PNPLA8: variants seen among roughly 807,000 people sequenced by gnomAD.
The protein encoded by PNPLA8 is patatin like domain 8, phospholipase A2.
In PNPLA8, 39 loss-of-function variants were observed where a neutral mutation model predicts 76.9. The observed-to-expected ratio is 0.51, with a 90% CI of 0.39 to 0.66. PNPLA8 has a LOEUF of 0.66. PNPLA8 is among the 30% of genes least tolerant of loss of function. The probability of loss-of-function intolerance (pLI) is 0.00; values close to 1 mark genes in which losing one functional copy is unlikely to be tolerated. For synonymous variants in PNPLA8, 301 were observed against 307.9 expected (o/e 0.98, Z 0.24); for missense variants, 887 against 918.0 (o/e 0.97, Z 0.44).
intron 3 of PNPLA8, 38 bp downstream of exon 3, chr7:108,514,398 A>G (rs1863147725): frequency 1.3e-6 from 2 of 1,565,210 alleles, no homozygotes; most frequent in African/African-American, 1.4e-5. Context: ...AAATTTGACA[A>G]AAAGTAATAG....
chr7:108,507,119 G>A (rs1432900713), intron 4 of PNPLA8, among the ~76,000 whole-genome samples: 10 of 152,100 alleles, frequency 6.6e-5, no homozygotes, highest in South Asian at 4.1e-4. Context: ...GAGGCAGGTG[G>A]ATTACCTGAG....
At chr7:108,517,767 T>C (rs1198486842) in intron 2 of PNPLA8, among the ~76,000 whole-genome samples, 1 of 152,116 alleles carries the variant, frequency 6.6e-6, no homozygotes, top group African/African-American at 2.4e-5. Flanking sequence ...ATATGGGGTG[T>C]CTGTGTGTGT....
At chr7:108,488,990 T>C (rs1335674157) in intron 8 of PNPLA8, among the ~76,000 whole-genome samples, 1 of 152,270 alleles carries the variant, frequency 6.6e-6, no homozygotes, top group Non-Finnish European at 1.5e-5. Flanking sequence ...TAGGCCACTA[T>C]GGATAGGCGT....
rs750608746 is a variant in PNPLA8, at chr7:108,487,925, C to T, written c.1712G>A (p.Arg571Lys). The T allele has an allele frequency of 3.1e-6, 5 of 1,611,884 alleles. No individual in the cohort carries two copies. Among genetic ancestry groups the T allele is most frequent in the Admixed American group, 3.3e-5 (2 of 59,878 alleles). Reference protein sequence around the residue: ...KVAAVSTIVNRGITPKAFVFR... With the variant: ...KVAAVSTIVNKGITPKAFVFR... Reference sequence around the variant, plus strand: ...CACAAAAGCTTTGGGTGTTATCCCTCTATTTACTATGGTACTTACAGCAGC... The same window carrying T: ...CACAAAAGCTTTGGGTGTTATCCCTTTATTTACTATGGTACTTACAGCAGC... The change falls in exon 9 of 11, where the codon AGA becomes AAA. Residue 571 changes from arginine to lysine, a missense_variant. Arg to Lys is a conservative substitution (Grantham distance 26). Coordinates refer to ENST00000257694, the MANE Select transcript of PNPLA8 (RefSeq NM_001256007.3).
chr7:108,495,399 A>G (rs1861478322), intron 7 of PNPLA8, among the ~76,000 whole-genome samples: 1 of 152,184 alleles, frequency 6.6e-6, no homozygotes, highest in Non-Finnish European at 1.5e-5. Context: ...GACATAGGAA[A>G]TAATCTGTGC....
Position 108,514,605 on chromosome 7 carries a change from T to C in PNPLA8, c.887A>G (p.Glu296Gly). ...SIANFLSRPT[E>G]GVQALVGGYI... ...ACCACCTACTAAAGCTTGTACACCTTCCGTGGGACGAGAAAGAAAGTTAGC... is the reference window on the plus strand; with the variant it reads ...ACCACCTACTAAAGCTTGTACACCTCCCGTGGGACGAGAAAGAAAGTTAGC... Residue 296 changes from glutamate (E) to glycine (G), a missense_variant, in exon 3 of 11, where the codon GAA (glutamate) becomes GGA (glycine). Transcript: ENST00000257694. The C allele has an allele frequency of 6.2e-7, 1 of 1,614,072 alleles. No homozygotes were observed. Among genetic ancestry groups the C allele is most frequent in the South Asian group, 1.1e-5 (1 of 91,074 alleles).
chr7:108,500,995 G>C (rs540586295), intron 5 of PNPLA8, among the ~76,000 whole-genome samples: 3 of 152,046 alleles, frequency 2.0e-5, no homozygotes, highest in Non-Finnish European at 4.4e-5. Context: ...CCTTCTCTCA[G>C]TACTTATTCC....
Position 108,498,569 on chromosome 7 carries a change from G to A in PNPLA8, c.1359-992C>T, listed in dbSNP as rs946745291. Among the ~76,000 whole-genome samples, 7 of 151,690 alleles carry A rather than the reference G, an allele frequency of 4.6e-5. No homozygotes were observed. In the South Asian group the frequency reaches 8.4e-4, roughly 18 times the overall value. On this transcript the variant is annotated intron_variant, in intron 5 of 10. Coordinates refer to ENST00000257694, the MANE Select transcript of PNPLA8 (RefSeq NM_001256007.3). ...ATTACAGGTGTGAGCCACTGCACCC[G>A]GCCACCAGTCAGATTTTTAAGCTCC...
chr7:108,484,282 T>C (rs774057470), intron 9 of PNPLA8, among the ~76,000 whole-genome samples: 2 of 152,236 alleles, frequency 1.3e-5, no homozygotes, highest in Admixed American at 1.3e-4. Flanking sequence ...TACTATCTTT[T>C]AAGCTCTGCT....
chr7:108,519,568 T>C (rs868471064), intron 2 of PNPLA8, among the ~76,000 whole-genome samples: 2 of 152,176 alleles, frequency 1.3e-5, no homozygotes, highest in Middle Eastern at 3.2e-3. Context: ...AGTAAAATCC[T>C]TCCTTCTAAA....
chr7:108,478,897 C>T (rs1194021664), intron 10 of PNPLA8, among the ~76,000 whole-genome samples: 1 of 152,182 alleles, frequency 6.6e-6, no homozygotes, highest in African/African-American at 2.4e-5. Context: ...TCTTAACTGG[C>T]TTCAGAGTCT....
At chr7:108,478,557 AT>A (rs1276827848) in intron 10 of PNPLA8, among the ~76,000 whole-genome samples, 2 of 151,982 alleles carry the variant, frequency 1.3e-5, no homozygotes, top group African/African-American at 4.8e-5. Context: ...TGCCTGGCTA[AT>A]TTTTTGTATT....
chr7:108,518,729 A>G (rs1421327158), intron 2 of PNPLA8, among the ~76,000 whole-genome samples: 1 of 70,030 alleles, frequency 1.4e-5, no homozygotes, highest in Non-Finnish European at 2.9e-5. Context: ...GAATATATAT[A>G]TATATATATA....
In PNPLA8 at chr7:108,500,914, C is replaced by CAA. The variant is rs35813927; in HGVS notation, c.1358+1575_1358+1576dup. On this transcript the variant is annotated intron_variant, in intron 5 of 10. Transcript: ENST00000257694. ...GGACAACCAGAGCAAAACTCCGTCTCAAAAAAAAAAAAGTTACTGGTACAT... is the reference window on the plus strand; with the variant it reads ...GGACAACCAGAGCAAAACTCCGTCTCAAAAAAAAAAAAAAGTTACTGGTACAT... 9.0e-5 allele frequency among the ~76,000 whole-genome samples: 13 copies of CAA among 145,216 alleles called. No homozygotes were observed. The East Asian group carries it at 1.0e-3, about 11-fold the overall frequency.
intron 9 of PNPLA8, among the ~76,000 whole-genome samples, chr7:108,479,954 G>A (rs189014226): frequency 1.4e-3 from 208 of 152,226 alleles, no homozygotes; most frequent in Middle Eastern, 6.8e-3. Context: ...TATGCTGATA[G>A]AGCACTATAA....
chr7:108,523,421 G>GT (rs11430096), intron 1 of PNPLA8, among the ~76,000 whole-genome samples: 15,418 of 151,620 alleles, frequency 0.1, 831 homozygotes, highest in Non-Finnish European at 0.11. Flanking sequence ...CCGGCATCTG[G>GT]TACCAGGATT....
upstream of PNPLA8, chr7:108,526,160 A>C: frequency 1.2e-6 from 1 of 866,826 alleles, no homozygotes; most frequent in Non-Finnish European, 1.4e-6. Flanking sequence ...GTCGCCACCC[A>C]CTCAGCCCCG....
intron 1 of PNPLA8, among the ~76,000 whole-genome samples, chr7:108,521,935 G>T (rs992608941): frequency 6.6e-6 from 1 of 152,188 alleles, no homozygotes; most frequent in Non-Finnish European, 1.5e-5. Context: ...CACGATGGAA[G>T]GGGGGTTGGA....
chr7:108,496,527 A>T, intron 7 of PNPLA8, 57 bp downstream of exon 7: 1 of 1,029,634 alleles, frequency 9.7e-7, no homozygotes, highest in Non-Finnish European at 1.4e-6. Context: ...TTCAAATTAT[A>T]ATATGCACAT....
Sources: allele counts gnomAD v4.1 joint callset (sites outside exome capture counted in the v4.1 genomes callset), GRCh38; gene constraint gnomAD v4.1.1; transcripts MANE v1.5; gene names NCBI Gene and HGNC (gene_info 2026-07-23, HGNC 2026-07-21).